Variants in VMP1 observed in about 807,000 individuals in gnomAD.
The protein encoded by VMP1 is ectopic P-granules autophagy protein 3 homolog.
VMP1 carries 11 observed loss-of-function variants against 56.0 expected under a neutral mutation model. That is an observed-to-expected ratio of 0.20 (90% CI 0.12 to 0.32). The LOEUF (loss-of-function observed/expected upper bound fraction) is 0.32, where lower values mean the gene tolerates loss of function less well. VMP1 is among the 10% of genes least tolerant of loss of function. The probability of loss-of-function intolerance (pLI) is 1.00; values close to 1 mark genes in which losing one functional copy is unlikely to be tolerated. For synonymous variants in VMP1, 149 were observed against 165.0 expected (o/e 0.90, Z 0.74); for missense variants, 296 against 490.3 (o/e 0.60, Z 3.74).
intron 5 of VMP1, among the ~76,000 whole-genome samples, chr17:59,742,974 CT>C (rs1350242871): frequency 1.3e-5 from 2 of 152,164 alleles, no homozygotes; most frequent in Non-Finnish European, 1.5e-5. Context: ...TTCCACGAAA[CT>C]GGTTCCTGGT....
intron 5 of VMP1, among the ~76,000 whole-genome samples, chr17:59,759,265 T>A (rs2035956225): frequency 6.6e-6 from 1 of 151,934 alleles, no homozygotes; most frequent in South Asian, 2.1e-4. Flanking sequence ...CCCCAGCTAC[T>A]TGGGAGGCTG....
At position 59,753,382 on chromosome 17, in the gene VMP1, T is replaced by C. The variant is rs559583912; in HGVS notation, c.415-11589T>C. Among the ~76,000 whole-genome samples, 15 of 152,350 alleles carry C rather than the reference T, an allele frequency of 9.8e-5. No homozygotes were observed. In the East Asian group the frequency reaches 1.9e-3, roughly 20 times the overall value. ...CTAATAGAAATATGATTCATAATTC[T>C]GTAATTAACCAGGTTAACAAAAACA... On this transcript the variant is annotated intron_variant, in intron 5 of 11. Transcript: ENST00000262291.
Position 59,773,878 on chromosome 17 carries a change from C to A in VMP1, c.707C>A (p.Ser236Tyr). Reference sequence around the variant, plus strand: ...GAAGAGATGCTGGAACATGCAGAGTCTGCACAAGTAAGAACAGTGGGGATA... The same window carrying A: ...GAAGAGATGCTGGAACATGCAGAGTATGCACAAGTAAGAACAGTGGGGATA... Reference protein sequence around the residue: ...EFEEMLEHAESAQDFASRAKL... With the variant: ...EFEEMLEHAEYAQDFASRAKL... The change falls in exon 7 of 12, where the codon TCT becomes TAT. Residue 236 changes from serine (S) to tyrosine (Y), a missense_variant. By Grantham distance (144) the Ser-to-Tyr change is moderately radical. Coordinates refer to ENST00000262291, the MANE Select transcript of VMP1 (RefSeq NM_030938.5). The A allele has an allele frequency of 6.2e-7, 1 of 1,611,106 alleles. No individual in the cohort carries two copies. The highest frequency in any genetic ancestry group is 1.1e-5 in the South Asian group (1 of 90,694).
intron 5 of VMP1, among the ~76,000 whole-genome samples, chr17:59,762,736 A>C (rs1168912751): frequency 6.6e-6 from 1 of 152,206 alleles, no homozygotes; most frequent in Non-Finnish European, 1.5e-5. Context: ...GAATGAACAG[A>C]CTTCTTTAGA....
At chr17:59,725,553 A>C (rs2034569370) in intron 1 of VMP1, among the ~76,000 whole-genome samples, 1 of 147,314 alleles carries the variant, frequency 6.8e-6, no homozygotes, top group Non-Finnish European at 1.5e-5. Flanking sequence ...CAAAATGCCA[A>C]AAAAAAAAAA....
At chr17:59,712,129 A>G (rs1246240637) in intron 1 of VMP1, among the ~76,000 whole-genome samples, 1 of 152,218 alleles carries the variant, frequency 6.6e-6, no homozygotes, top group Non-Finnish European at 1.5e-5. Flanking sequence ...TGTCTGTAGC[A>G]TATAGTTAAC....
At chr17:59,813,571 C>CAAA (rs35095805) in intron 9 of VMP1, among the ~76,000 whole-genome samples, 1 of 110,168 alleles carries the variant, frequency 9.1e-6, no homozygotes, top group Non-Finnish European at 2.0e-5. Flanking sequence ...GAGTTTGTCT[C>CAAA]AAAAAAAAAA....
chr17:59,820,357 T>C (rs191236320), intron 10 of VMP1, among the ~76,000 whole-genome samples: 4 of 152,278 alleles, frequency 2.6e-5, no homozygotes, highest in Non-Finnish European at 5.9e-5. Flanking sequence ...TGGGGAACTG[T>C]CCTGTGCATT....
intron 9 of VMP1, among the ~76,000 whole-genome samples, chr17:59,814,182 T>A (rs1337035760): frequency 6.6e-6 from 1 of 152,196 alleles, no homozygotes; most frequent in Non-Finnish European, 1.5e-5. Flanking sequence ...GTTCACCATA[T>A]TGGCCAGGCT....
chr17:59,747,906 A>G (rs1422985155), intron 5 of VMP1, among the ~76,000 whole-genome samples: 1 of 150,988 alleles, frequency 6.6e-6, no homozygotes, highest in Non-Finnish European at 1.5e-5. Context: ...TAAAAAAAAA[A>G]GCCTTTCCAG....
chr17:59,838,121 T>TTTTAA, intron 10 of VMP1, 174 bp from the exon 11 acceptor site: 1 of 249,842 alleles, frequency 4.0e-6, no homozygotes, highest in East Asian at 7.4e-5. Flanking sequence ...TTTTTTTTTT[T>TTTTAA]AACTAAAAAG....
At chr17:59,773,674 T>C (rs1009493648) in intron 6 of VMP1, 80 bp from the exon 7 acceptor site, 2 of 1,343,860 alleles carry the variant, frequency 1.5e-6, no homozygotes, top group Non-Finnish European at 2.0e-6. Context: ...TCTGGTGATA[T>C]AGAAGAGTAT....
intron 1 of VMP1, among the ~76,000 whole-genome samples, chr17:59,720,171 T>A (rs2143740786): frequency 6.6e-6 from 1 of 152,340 alleles, no homozygotes; most frequent in East Asian, 1.9e-4. Context: ...ATACTTGGAT[T>A]TACTCCTACA....
chr17:59,819,584 G>T (rs1207394788), intron 10 of VMP1, among the ~76,000 whole-genome samples: 1 of 152,184 alleles, frequency 6.6e-6, no homozygotes, highest in African/African-American at 2.4e-5. Context: ...CTCCTGAGTA[G>T]CTGGGATTAC....
chr17:59,783,685 C>T (rs940396608), intron 7 of VMP1, among the ~76,000 whole-genome samples: 2 of 152,138 alleles, frequency 1.3e-5, no homozygotes, highest in African/African-American at 2.4e-5. Flanking sequence ...CCTTTCCTCC[C>T]ATCCCCAGTA....
chr17:59,774,765 T>G (rs1452905842), intron 7 of VMP1, among the ~76,000 whole-genome samples: 1 of 151,958 alleles, frequency 6.6e-6, no homozygotes, highest in Non-Finnish European at 1.5e-5. Context: ...TTACTGCAGC[T>G]TCAAACTCTT....
chr17:59,743,586 ATATATATGCTATAT>A (rs2035309921), intron 5 of VMP1, among the ~76,000 whole-genome samples: 5 of 149,366 alleles, frequency 3.3e-5, no homozygotes, highest in African/African-American at 1.2e-4. Flanking sequence ...CTCTCTATAT[ATATATATGCTATAT>A]TATATATATG....
At chr17:59,749,777 T>TG (rs1426028688) in intron 5 of VMP1, among the ~76,000 whole-genome samples, 2 of 152,138 alleles carry the variant, frequency 1.3e-5, no homozygotes, top group African/African-American at 4.8e-5. Context: ...CCCAAAGTGC[T>TG]GCGATTACAG....
At chr17:59,808,273 G>C (rs866368270) in intron 7 of VMP1, among the ~76,000 whole-genome samples, 88 of 152,178 alleles carry the variant, frequency 5.8e-4, no homozygotes, top group African/African-American at 2.0e-3. Flanking sequence ...AGAATCGAAG[G>C]CTCAAATAAA....
Sources: allele counts gnomAD v4.1 joint callset (sites outside exome capture counted in the v4.1 genomes callset), GRCh38; gene constraint gnomAD v4.1.1; transcripts MANE v1.5; gene names NCBI Gene and HGNC (gene_info 2026-07-23, HGNC 2026-07-21).